The following STK32C variants were observed in gnomAD, a reference collection of about 807,000 sequenced individuals.
The protein encoded by STK32C is serine/threonine-protein kinase 32C.
Under a neutral mutation model 56.5 loss-of-function variants are expected in STK32C, and 31 were observed. That is an observed-to-expected ratio of 0.55 (90% CI 0.41 to 0.74). The LOEUF (loss-of-function observed/expected upper bound fraction) is 0.74. Ranked by LOEUF, STK32C falls within the 30% of genes least tolerant of loss-of-function variation. The pLI is 0.00. For synonymous variants in STK32C, 309 were observed against 289.4 expected, an observed-to-expected ratio of 1.07 and a Z score of -0.69; for missense variants, 544 against 676.9, an observed-to-expected ratio of 0.80 and a Z score of 2.18.
At chr10:132,242,347 T>C (rs113312427) in intron 2 of STK32C, among the ~76,000 whole-genome samples, 9 of 151,902 alleles carry the variant, frequency 5.9e-5, no homozygotes, top group African/African-American at 2.2e-4. Flanking sequence ...GCACGGGTGG[T>C]GAAGGGGCTC....
Position 132,226,538 on chromosome 10 carries a change from G to T in STK32C, c.644+257C>A, listed in dbSNP as rs571977753. On this transcript the variant is annotated intron_variant, in intron 4 of 11. Transcript: ENST00000298630. ...CCCAGCCTGGTGGTCTGTCCACCAG[G>T]GCTAACAGCCCACTGTGCCCAGTCT... Among the ~76,000 whole-genome samples the T allele has an allele frequency of 2.4e-3, 372 of 152,282 alleles. 2 individuals carry two copies. Among genetic ancestry groups the T allele is most frequent in the African/African-American group, 8.7e-3 (363 of 41,558 alleles).
At chr10:132,278,666 G>A (rs751850946) in intron 1 of STK32C, among the ~76,000 whole-genome samples, 64 of 151,816 alleles carry the variant, frequency 4.2e-4, no homozygotes, top group Non-Finnish European at 7.9e-4. Context: ...GAGGCTGGGC[G>A]GGAGAATGGC....
chr10:132,216,089 T>C (rs1415075880), intron 10 of STK32C, among the ~76,000 whole-genome samples: 1 of 152,200 alleles, frequency 6.6e-6, no homozygotes, highest in East Asian at 1.9e-4. Flanking sequence ...AAGAGGTGAC[T>C]TGGGTGCTGT....
chr10:132,222,017 C>G (rs1204407821), intron 10 of STK32C, among the ~76,000 whole-genome samples: 3 of 149,206 alleles, frequency 2.0e-5, no homozygotes, highest in Non-Finnish European at 4.4e-5. Flanking sequence ...ATCAACGCAC[C>G]TGGGTGAGTG....
chr10:132,268,695 G>A (rs569291141), intron 1 of STK32C, among the ~76,000 whole-genome samples: 48 of 149,014 alleles, frequency 3.2e-4, no homozygotes, highest in South Asian at 1.1e-3. Flanking sequence ...CTGTCTGTGC[G>A]CATGCATGTC....
At chr10:132,323,261 G>T (rs2066442789), downstream of STK32C, among the ~76,000 whole-genome samples, 2 of 152,112 alleles carry the variant, frequency 1.3e-5, no homozygotes, top group Admixed American at 1.3e-4. The surrounding 1 kb of genome is among the most constrained non-coding windows in gnomAD (Gnocchi z 4.8). Flanking sequence ...CCAAAACCTG[G>T]CTCAAGTCTG....
At chr10:132,226,699 C>A in intron 4 of STK32C, 96 bp downstream of exon 4, 2 of 1,463,914 alleles carry the variant, frequency 1.4e-6, no homozygotes, top group Non-Finnish European at 1.9e-6. Flanking sequence ...TAGACCCGCT[C>A]TGAGGGAGTA....
At chr10:132,269,874 G>A (rs2064759766) in intron 1 of STK32C, among the ~76,000 whole-genome samples, 2 of 152,226 alleles carry the variant, frequency 1.3e-5, no homozygotes, top group South Asian at 4.1e-4. Context: ...GCCTGCCACG[G>A]CCATAATAGC....
intron 10 of STK32C, among the ~76,000 whole-genome samples, chr10:132,214,512 C>T (rs1035276048): frequency 3.9e-5 from 6 of 152,082 alleles, no homozygotes; most frequent in Admixed American, 1.3e-4. Context: ...ACATGTTAAA[C>T]GAAGTTCCTC....
In STK32C at chr10:132,307,740, G is replaced by T; in HGVS notation, c.94C>A (p.Pro32Thr). Reference sequence around the variant, plus strand: ...GCAGCGGGCGGCGGCAGGGCCGAGGGCGCGTCGGAGCCGGCGGGGCGCGCG... The same window carrying T: ...GCAGCGGGCGGCGGCAGGGCCGAGGTCGCGTCGGAGCCGGCGGGGCGCGCG... ...GRARPAGSDA[P>T]SALPPPAAGQ... is the part of the protein sequence containing the mutation. The change falls in exon 1 of 12, where the codon CCC becomes ACC. Residue 32 changes from proline to threonine, a missense_variant. Transcript: ENST00000298630. This position sits in a 1 kb window ranked among gnomAD's most constrained non-coding sequence, Gnocchi z 4.4. 1 of 1,095,674 alleles carries T rather than the reference G, an allele frequency of 9.1e-7. No individual in the cohort carries two copies. Among genetic ancestry groups the T allele is most frequent in the African/African-American group, 1.7e-5 (1 of 59,746 alleles). 67.9% of individuals were successfully genotyped at this position (1,095,674 alleles called of 1,614,324 possible).
At chr10:132,241,500 A>G (rs576859783) in intron 2 of STK32C, among the ~76,000 whole-genome samples, 1 of 152,368 alleles carries the variant, frequency 6.6e-6, no homozygotes, top group African/African-American at 2.4e-5. Flanking sequence ...TATTTGGGTA[A>G]AAGACACTAG....
At chr10:132,210,613 C>T (rs919657445) in intron 10 of STK32C, among the ~76,000 whole-genome samples, 5 of 152,372 alleles carry the variant, frequency 3.3e-5, no homozygotes, top group Admixed American at 6.5e-5. Context: ...AACCCACGAA[C>T]AGAGTGTGGG....
intron 1 of STK32C, among the ~76,000 whole-genome samples, chr10:132,306,608 G>C (rs2066072101): frequency 6.6e-6 from 1 of 152,240 alleles, no homozygotes; most frequent in South Asian, 2.1e-4. Flanking sequence ...CAAGTAAATA[G>C]CCTGGCTCCT....
chr10:132,259,170 C>A (rs2064224563), intron 1 of STK32C, among the ~76,000 whole-genome samples: 1 of 152,230 alleles, frequency 6.6e-6, no homozygotes, highest in Admixed American at 6.5e-5. Context: ...TGCACCTTCC[C>A]CATCCCAGCC....
intron 1 of STK32C, among the ~76,000 whole-genome samples, chr10:132,312,959 G>A (rs1375335551): frequency 3.9e-5 from 6 of 152,174 alleles, no homozygotes; most frequent in African/African-American, 4.8e-5. Context: ...AGAATCACCC[G>A]AACCTGTGAG....
Position 132,262,987 on chromosome 10 carries a change from C to T in STK32C, c.263-17032G>A, listed in dbSNP as rs188085910. Among the ~76,000 whole-genome samples, 450 of 152,338 alleles carry T rather than the reference C, an allele frequency of 3.0e-3. 5 individuals are homozygous for T. Among genetic ancestry groups the T allele is most frequent in the Admixed American group, 4.2e-3 (65 of 15,302 alleles). On this transcript the variant is annotated intron_variant, in intron 1 of 11. Transcript: ENST00000298630. ...AGAGAAAAGAGAACAAACGCTTATACACTATTAGTGGGAATCTAAATTAGT... is the reference window on the plus strand; with the variant it reads ...AGAGAAAAGAGAACAAACGCTTATATACTATTAGTGGGAATCTAAATTAGT...
chr10:132,328,688 G>C (rs1477105614), intron 1 of STK32C, among the ~76,000 whole-genome samples: 1 of 152,244 alleles, frequency 6.6e-6, no homozygotes, highest in African/African-American at 2.4e-5. Context: ...AAGCAAGATG[G>C]AATCGGTTAG....
At chr10:132,232,197 G>A (rs2137779755) in intron 2 of STK32C, among the ~76,000 whole-genome samples, 1 of 68,472 alleles carries the variant, frequency 1.5e-5, no homozygotes, top group East Asian at 3.7e-4. Context: ...GCCAGCAGGT[G>A]GGGAGCCTGT....
At chr10:132,282,898 G>T (rs1436273339) in intron 1 of STK32C, among the ~76,000 whole-genome samples, 1 of 152,272 alleles carries the variant, frequency 6.6e-6, no homozygotes, top group Non-Finnish European at 1.5e-5. Context: ...TGCTGGTCAG[G>T]AGGCGGTGGG....
Sources: gnomAD v4.1 joint callset for allele counts (sites outside exome capture counted in the v4.1 genomes callset) on GRCh38, gnomAD v4.1.1 for gene constraint, Gnocchi (gnomAD v3.1) non-coding constraint, MANE v1.5 for transcripts, NCBI Gene and HGNC (gene_info 2026-07-23, HGNC 2026-07-21) for gene names.